CELF4: variants seen among roughly 807,000 people sequenced by gnomAD.
The protein encoded by CELF4 is CUGBP Elav-like family member 4.
A neutral mutation model predicts 59.9 loss-of-function variants in CELF4; 18 were observed. That is an observed-to-expected ratio of 0.30 (90% confidence interval 0.21 to 0.45). CELF4 has a LOEUF of 0.45. Ranked by LOEUF, CELF4 falls within the 20% of genes least tolerant of loss-of-function variation. The pLI is 1.00. For missense variants in CELF4, 456 were observed against 689.0 expected, an observed-to-expected ratio of 0.66 and a Z score of 3.79; for synonymous variants, 261 against 267.1, an observed-to-expected ratio of 0.98 and a Z score of 0.22.
rs577534165 is a variant in CELF4 at position 37,561,205 on chromosome 18, T to C, written c.286+4151A>G. On this transcript the variant is annotated intron_variant, in intron 1 of 12. Transcript: ENST00000420428. ...AGAGTCCCCCAGGCTGCCGGTAAAG[T>C]AGATTTTCCTCCATGTAGCTGAGAA... Among the ~76,000 whole-genome samples, 10 of 152,320 alleles carry C rather than the reference T, an allele frequency of 6.6e-5. 1 individual carries two copies. The South Asian group carries it at 1.2e-3, about 19-fold the overall frequency.
At chr18:37,339,544 A>G (rs1231624869) in intron 2 of CELF4, among the ~76,000 whole-genome samples, 1 of 152,114 alleles carries the variant, frequency 6.6e-6, no homozygotes, top group East Asian at 1.9e-4. Flanking sequence ...ATTTGTGGTC[A>G]GTAGTTTGAG....
chr18:37,302,120 G>A (rs527546349), intron 3 of CELF4, among the ~76,000 whole-genome samples: 3 of 152,322 alleles, frequency 2.0e-5, no homozygotes, highest in South Asian at 2.1e-4. Context: ...AATTTGGGCC[G>A]TATTAATAAA....
chr18:37,284,419 T>TGGGCCC (rs2094531444), intron 3 of CELF4, among the ~76,000 whole-genome samples: 6 of 151,452 alleles, frequency 4.0e-5, no homozygotes, highest in African/African-American at 1.2e-4. Context: ...GGCCTGGGCC[T>TGGGCCC]CCAACCCTGG....
chr18:37,509,062 C>T (rs1314521531), intron 1 of CELF4, among the ~76,000 whole-genome samples: 2 of 152,178 alleles, frequency 1.3e-5, no homozygotes, highest in East Asian at 1.9e-4. Flanking sequence ...GTCTCCCTCC[C>T]ACAGACAGGG....
At chr18:37,311,368 C>T (rs2096640085) in intron 3 of CELF4, among the ~76,000 whole-genome samples, 1 of 152,326 alleles carries the variant, frequency 6.6e-6, no homozygotes, top group South Asian at 2.1e-4. Flanking sequence ...TCCCCAACCA[C>T]GAAGACCAAT....
intron 2 of CELF4, among the ~76,000 whole-genome samples, chr18:37,338,020 C>A (rs2097840993): frequency 6.8e-6 from 1 of 147,966 alleles, no homozygotes; most frequent in African/African-American, 2.5e-5. Flanking sequence ...GCCACCACCA[C>A]CACTGTCGCT....
intron 1 of CELF4, among the ~76,000 whole-genome samples, chr18:37,556,530 T>TTGTG (rs944015583): frequency 2.0e-5 from 3 of 152,170 alleles, no homozygotes; most frequent in Admixed American, 2.0e-4. Flanking sequence ...CTTTTTGTGC[T>TTGTG]TGTGTGTGTT....
chr18:37,534,243 G>A (rs551534191), intron 1 of CELF4, among the ~76,000 whole-genome samples: 3 of 152,044 alleles, frequency 2.0e-5, no homozygotes, highest in South Asian at 2.1e-4. Flanking sequence ...TACAGTCCTC[G>A]CCGTCATTAA....
intron 1 of CELF4, among the ~76,000 whole-genome samples, chr18:37,509,580 C>CTT: frequency 6.6e-6 from 1 of 152,326 alleles, no homozygotes; most frequent in Middle Eastern, 3.4e-3. Flanking sequence ...AGGTGGGGAC[C>CTT]TTGAGACAGA....
chr18:37,485,514 G>T lies in CELF4; in HGVS notation c.369+11C>A. ...GCGTCGGCCGCTTGCGCCACGGCGG[G>T]CGCCACTTACCCCGGGCAGAGTCTT... On this transcript the variant is annotated intron_variant, in intron 2 of 12. Transcript: ENST00000420428. 1.5e-6 allele frequency: 2 copies of T among 1,351,136 alleles called. No individual in the cohort carries two copies. The highest frequency in any genetic ancestry group is 4.2e-5 in the South Asian group (2 of 48,088). The allele number at this position is 1,351,136 out of a possible 1,614,324, so 83.7% of individuals were successfully genotyped here. A position where few individuals can be genotyped will look rare whatever the true frequency, so the allele number is the denominator to read the frequency against.
intron 2 of CELF4, among the ~76,000 whole-genome samples, chr18:37,476,051 G>T (rs543870943): frequency 2.6e-5 from 4 of 152,308 alleles, no homozygotes; most frequent in African/African-American, 9.6e-5. Context: ...GGACTTTATT[G>T]TGGCAAAGGA....
At chr18:37,431,343 C>T (rs965805370) in intron 2 of CELF4, among the ~76,000 whole-genome samples, 1 of 151,022 alleles carries the variant, frequency 6.6e-6, no homozygotes, top group Non-Finnish European at 1.5e-5. Flanking sequence ...TATTACACAG[C>T]CACTTTCTCC....
intron 2 of CELF4, among the ~76,000 whole-genome samples, chr18:37,411,053 C>T (rs1274709116): frequency 6.6e-6 from 1 of 152,170 alleles, no homozygotes; most frequent in Non-Finnish European, 1.5e-5. Context: ...AACTCCTGGG[C>T]TCACGAGATC....
intron 2 of CELF4, among the ~76,000 whole-genome samples, chr18:37,333,302 C>T (rs865992226): frequency 1.3e-5 from 2 of 151,960 alleles, no homozygotes; most frequent in African/African-American, 2.4e-5. Flanking sequence ...AGGAAACAAG[C>T]GACAGCTACC....
chr18:37,536,531 G>A (rs551275745), intron 1 of CELF4, among the ~76,000 whole-genome samples: 1 of 152,194 alleles, frequency 6.6e-6, no homozygotes, highest in Non-Finnish European at 1.5e-5. Context: ...GCTCGCTAGC[G>A]CCTTTTCTCC....
chr18:37,243,908 A>ACGG lies in CELF4; in HGVS notation c.*1331_*1333dup, dbSNP rs376915627. 8,580 of 187,750 alleles carry ACGG rather than the reference A, an allele frequency of 0.046. 752 individuals are homozygous for ACGG. Among genetic ancestry groups the ACGG allele is most frequent in the African/African-American group, 0.19 (7,986 of 42,020 alleles). The allele number at this position is 187,750 out of a possible 1,614,324, so 11.6% of individuals were successfully genotyped here. ...CAGAGGGAAGCGAGAGGCGAGGATG[A>ACGG]CGGCGGCGGCGGCGGCGGCGACCCG... On this transcript the variant is annotated 3_prime_UTR_variant, in exon 13 of 13. Coordinates refer to ENST00000420428, the MANE Select transcript of CELF4 (RefSeq NM_020180.4).
intron 2 of CELF4, among the ~76,000 whole-genome samples, chr18:37,365,910 G>A (rs1225572044): frequency 6.6e-6 from 1 of 152,178 alleles, no homozygotes; most frequent in Admixed American, 6.6e-5. Flanking sequence ...CTGCCTATGG[G>A]CCCAAATAAT....
At chr18:37,269,386 T>G (rs781592613) in intron 8 of CELF4, among the ~76,000 whole-genome samples, 2 of 152,212 alleles carry the variant, frequency 1.3e-5, no homozygotes, top group African/African-American at 2.4e-5. Context: ...TACAGTGACC[T>G]TGCACTCTGC....
intron 7 of CELF4, 119 bp downstream of exon 7, chr18:37,272,897 G>T: frequency 9.9e-7 from 1 of 1,006,492 alleles, no homozygotes; most frequent in Non-Finnish European, 1.5e-6. Context: ...GTCCTCTCGG[G>T]CCCAGACACT....
Sources: gnomAD v4.1 joint callset for allele counts (sites outside exome capture counted in the v4.1 genomes callset) on GRCh38, gnomAD v4.1.1 for gene constraint, MANE v1.5 for transcripts, NCBI Gene and HGNC (gene_info 2026-07-23, HGNC 2026-07-21) for gene names.